SAFB: variants seen among roughly 807,000 people sequenced by gnomAD.
SAFB encodes the protein scaffold attachment factor B.
SAFB carries 15 observed loss-of-function variants against 101.6 expected under a neutral mutation model. The ratio of observed to expected loss-of-function variants is 0.15; its 90% CI spans 0.10 to 0.23. The LOEUF (loss-of-function observed/expected upper bound fraction) is 0.23. Among genes scored for constraint, SAFB ranks in the 10% least tolerant of loss-of-function variants. The pLI is 1.00. For missense variants in SAFB, 930 were observed against 1,104.1 expected (o/e 0.84, Z 2.23); for synonymous variants, 449 against 407.5 (o/e 1.10, Z -1.23).
chr19:5,629,080 A>T (rs978125387), intron 2 of SAFB, among the ~76,000 whole-genome samples: 7 of 152,152 alleles, frequency 4.6e-5, no homozygotes, highest in Non-Finnish European at 1.0e-4. Flanking sequence ...TTCAGTTGTG[A>T]GCCACTGCGC....
Position 5,641,817 on chromosome 19 carries a change from TGA to T in SAFB, c.418_419del (p.Asp140Ter). 1 of 1,614,064 alleles carries T rather than the reference TGA, an allele frequency of 6.2e-7. No homozygotes were observed. The highest frequency in any genetic ancestry group is 8.5e-7 in the Non-Finnish European group (1 of 1,180,014). ...DISVLDEAEI[D>X]NGSVADCVED... ...TCAGTGTGTTGGATGAAGCAGAAAT[TGA>T]TAATGGAAGCGTTGCAGATTGTGTC... On this transcript the variant is annotated frameshift_variant, in exon 4 of 21. Transcript: ENST00000588852. LOFTEE classifies it high-confidence loss of function.
intron 2 of SAFB, among the ~76,000 whole-genome samples, chr19:5,635,500 G>T (rs755957432): frequency 5.3e-5 from 8 of 152,110 alleles, no homozygotes; most frequent in Non-Finnish European, 1.2e-4. Flanking sequence ...AAAAGGGAAG[G>T]TATTATAGCT....
intron 16 of SAFB, 34 bp downstream of exon 16, chr19:5,664,193 C>G (rs375696770): frequency 3.1e-6 from 5 of 1,607,184 alleles, no homozygotes; most frequent in Admixed American, 3.4e-5. Flanking sequence ...TGCGGGTTTT[C>G]TTTTTCCTGG....
At position 5,667,619 on chromosome 19, in the gene SAFB, A is replaced by T; in HGVS notation, c.2557+169A>T. 1.4e-6 allele frequency: 1 copy of T among 699,912 alleles called. No homozygotes were observed. The highest frequency in any genetic ancestry group is 1.8e-5 in the South Asian group (1 of 54,764). 43.4% of individuals were successfully genotyped at this position (699,912 alleles called of 1,614,324 possible). A position where few individuals can be genotyped will look rare whatever the true frequency, so the allele number is the denominator to read the frequency against. On this transcript the variant is annotated intron_variant, in intron 19 of 20. Coordinates refer to ENST00000588852, the MANE Select transcript of SAFB (RefSeq NM_001201338.2). The surrounding 1 kb of genome is among the most constrained non-coding windows in gnomAD (Gnocchi z 4.0). ...CTGCTCTCTGGTGGTCTGGCCCAGG[A>T]GTTGGACAGTGGGCGTTCCCGAGTT...
intron 1 of SAFB, among the ~76,000 whole-genome samples, chr19:5,625,102 G>C (rs1191465251): frequency 6.6e-6 from 1 of 152,058 alleles, no homozygotes; most frequent in African/African-American, 2.4e-5. Flanking sequence ...TCAAGATGTG[G>C]TCCCAAAACA....
At chr19:5,640,174 TG>T (rs1430797453) in intron 2 of SAFB, among the ~76,000 whole-genome samples, 5 of 152,110 alleles carry the variant, frequency 3.3e-5, no homozygotes, top group African/African-American at 1.2e-4. Context: ...TTTTAAATAG[TG>T]GGGTGTAAAT....
chr19:5,646,207 T>G (rs2053824986), intron 5 of SAFB, among the ~76,000 whole-genome samples: 1 of 152,218 alleles, frequency 6.6e-6, no homozygotes, highest in Non-Finnish European at 1.5e-5. Context: ...TCTTTTTAAA[T>G]GTCATCTATG....
chr19:5,659,779 CG>C (rs1374360781), intron 14 of SAFB, among the ~76,000 whole-genome samples: 3 of 151,964 alleles, frequency 2.0e-5, no homozygotes, highest in African/African-American at 4.8e-5. Context: ...GTAATGAACA[CG>C]GGCAGCCTGG....
intron 14 of SAFB, among the ~76,000 whole-genome samples, chr19:5,659,766 G>A (rs1024770737): frequency 1.3e-5 from 2 of 152,122 alleles, no homozygotes; most frequent in African/African-American, 4.8e-5. Context: ...TTCTGCTGGG[G>A]GAGTAATGAA....
intron 17 of SAFB, 78 bp downstream of exon 17, chr19:5,664,517 G>A: frequency 8.8e-7 from 1 of 1,130,022 alleles, no homozygotes; most frequent in Non-Finnish European, 1.3e-6. Context: ...CCTTCTTCCT[G>A]CCCTTTCTTT....
intron 4 of SAFB, 104 bp downstream of exon 4, chr19:5,642,050 C>G: frequency 1.1e-6 from 1 of 917,342 alleles, no homozygotes; most frequent in Non-Finnish European, 1.8e-6. Context: ...TCTGTAATGC[C>G]AGTTCAGTAG....
At chr19:5,649,705 C>T (rs12972378) in intron 7 of SAFB, 12,373 of 807,454 alleles carry the variant, frequency 0.015, 115 homozygotes, top group Non-Finnish European at 0.018. Context: ...TGGTTGTGTT[C>T]TTAAATTCTT....
Position 5,668,154 on chromosome 19 carries a change from G to C in SAFB, c.2625-8G>C, listed in dbSNP as rs1405536228. On this transcript the variant is annotated splice_polypyrimidine_tract_variant and splice_region_variant and intron_variant, in intron 20 of 20. Coordinates refer to ENST00000588852, the MANE Select transcript of SAFB (RefSeq NM_001201338.2). ...TTCGCAGTCAAACCAATGTGAATTT[G>C]TTCCTAGGCGCGGCAGCTTTGCCCC... 6.2e-7 allele frequency: 1 copy of C among 1,606,422 alleles called. No individual in the cohort carries two copies. The highest frequency in any genetic ancestry group is 2.2e-5 in the East Asian group (1 of 44,480).
At chr19:5,649,578 T>C (rs896823401) in intron 7 of SAFB, 79 bp downstream of exon 7, 5 of 412,750 alleles carry the variant, frequency 1.2e-5, no homozygotes, top group South Asian at 2.7e-5. Context: ...GCTGTTTTTT[T>C]CTGCAATTGG....
chr19:5,636,413 T>A (rs1428251920), intron 2 of SAFB, among the ~76,000 whole-genome samples: 2 of 152,028 alleles, frequency 1.3e-5, no homozygotes, highest in African/African-American at 4.8e-5. Context: ...GTTCCAGCTG[T>A]TTTTTAGACC....
intron 17 of SAFB, 94 bp from the exon 18 acceptor site, chr19:5,666,952 G>A: frequency 1.2e-6 from 1 of 819,136 alleles, no homozygotes; most frequent in Non-Finnish European, 2.2e-6. Context: ...CCGAGTGACT[G>A]TCGTTGTCAT....
intron 1 of SAFB, 134 bp from the exon 2 acceptor site, chr19:5,626,271 C>CGTATCATTAAACA: frequency 1.8e-6 from 1 of 563,996 alleles, no homozygotes; most frequent in Non-Finnish European, 3.2e-6. Context: ...GTGGATGGGC[C>CGTATCATTAAACA]ACAGGTCCTG....
intron 5 of SAFB, among the ~76,000 whole-genome samples, chr19:5,645,606 G>C (rs1312628940): frequency 6.6e-6 from 1 of 152,218 alleles, no homozygotes; most frequent in Non-Finnish European, 1.5e-5. Flanking sequence ...GCTTCGACGA[G>C]TGGCCTCCAA....
At chr19:5,623,806 C>G (rs1212293674) in intron 1 of SAFB, 2 of 166,246 alleles carry the variant, frequency 1.2e-5, no homozygotes, top group African/African-American at 4.8e-5. Flanking sequence ...TGAACCCAGG[C>G]CCTGGGATTC....
Sources: gnomAD v4.1 joint callset for allele counts (sites outside exome capture counted in the v4.1 genomes callset) on GRCh38, gnomAD v4.1.1 for gene constraint, Gnocchi (gnomAD v3.1) non-coding constraint, MANE v1.5 for transcripts, NCBI Gene and HGNC (gene_info 2026-07-23, HGNC 2026-07-21) for gene names.